Variants in TMED5 observed in about 807,000 individuals in gnomAD.
TMED5 encodes transmembrane p24 trafficking protein 5, also known as transmembrane emp24 domain-containing protein 5.
In TMED5, 27 loss-of-function variants were observed where a neutral mutation model predicts 23.0. The ratio of observed to expected loss-of-function variants is 1.17; its 90% CI spans 0.86 to 1.62. TMED5 has a LOEUF of 1.62. TMED5 is among the 40% of genes most tolerant of loss of function. The pLI is 0.00. For synonymous variants in TMED5, 97 were observed against 100.8 expected (o/e 0.96, Z 0.23); for missense variants, 248 against 273.7 (o/e 0.91, Z 0.66).
At chr1:93,156,684 CT>C (rs1344862136) in intron 2 of TMED5, among the ~76,000 whole-genome samples, 1 of 151,474 alleles carries the variant, frequency 6.6e-6, no homozygotes, top group Non-Finnish European at 1.5e-5. Context: ...AATCCTGTCT[CT>C]ACAAAAAAAT....
intron 3 of TMED5, among the ~76,000 whole-genome samples, chr1:93,155,096 A>G (rs1029170607): frequency 5.9e-5 from 9 of 152,006 alleles, no homozygotes; most frequent in African/African-American, 2.2e-4. Context: ...GTATGGTAGC[A>G]CCAAGTGTGG....
rs59467244 is a variant in TMED5 at position 93,169,882 on chromosome 1, TACACAC to T, written c.190-9662_190-9657del. Among the ~76,000 whole-genome samples, 60 of 130,600 alleles carry T rather than the reference TACACAC, an allele frequency of 4.6e-4. No individual in the cohort carries two copies. In the East Asian group the frequency reaches 4.9e-3, roughly 11 times the overall value. 85.7% of individuals were successfully genotyped at this position (130,600 alleles called of 152,430 possible). Reference sequence around the variant, plus strand: ...AGGCAGCAAAGTGAGACCCTGTCTGTACACACACACACACACACACACACACACACA... The same window carrying T: ...AGGCAGCAAAGTGAGACCCTGTCTGTACACACACACACACACACACACACA... On this transcript the variant is annotated intron_variant, in intron 1 of 3. Coordinates refer to ENST00000370282, the MANE Select transcript of TMED5 (RefSeq NM_016040.5).
At position 93,154,507 on chromosome 1, in the gene TMED5, C is replaced by T; in HGVS notation, c.*163G>A. 1 of 608,740 alleles carries T rather than the reference C, an allele frequency of 1.6e-6. No homozygotes were observed. 37.7% of individuals were successfully genotyped at this position (608,740 alleles called of 1,614,324 possible). ...AAGTACAACTGGATCAGCAGGATTACTTGCACAGAAAGTGAAGACTTAATT... is the reference window on the plus strand; with the variant it reads ...AAGTACAACTGGATCAGCAGGATTATTTGCACAGAAAGTGAAGACTTAATT... On this transcript the variant is annotated 3_prime_UTR_variant, in exon 4 of 4. Coordinates refer to ENST00000370282, the MANE Select transcript of TMED5 (RefSeq NM_016040.5).
intron 1 of TMED5, among the ~76,000 whole-genome samples, chr1:93,171,833 G>A (rs144555884): frequency 1.3e-3 from 203 of 152,242 alleles, no homozygotes; most frequent in African/African-American, 4.6e-3. Context: ...AAGCTGATTC[G>A]ACAATGTAAA....
At position 93,180,053 on chromosome 1, in the gene TMED5, C is replaced by G. The variant is rs760830059; in HGVS notation, c.189+1G>C. Reference sequence around the variant, plus strand: ...GAGGCTGGTTTATCCTCCGCACTTACTTGGTACTCGATCTCCAGCGAGGCC... The same window carrying G: ...GAGGCTGGTTTATCCTCCGCACTTAGTTGGTACTCGATCTCCAGCGAGGCC... On this transcript the variant is annotated splice_donor_variant, in intron 1 of 3. Coordinates refer to ENST00000370282, the MANE Select transcript of TMED5 (RefSeq NM_016040.5). LOFTEE classifies it high-confidence loss of function. 6.2e-7 allele frequency: 1 copy of G among 1,612,324 alleles called. No homozygotes were observed.
At chr1:93,179,414 C>A (rs1649160434) in intron 1 of TMED5, among the ~76,000 whole-genome samples, 1 of 149,910 alleles carries the variant, frequency 6.7e-6, no homozygotes, top group South Asian at 2.1e-4. Flanking sequence ...GCTTACAATG[C>A]TCAATGAAAA....
At chr1:93,161,701 T>C (rs1648282570) in intron 1 of TMED5, 1 of 152,206 alleles carries the variant, frequency 6.6e-6, no homozygotes, top group Non-Finnish European at 1.5e-5. Flanking sequence ...CCTATCCTCT[T>C]TGGCACTTAT....
At chr1:93,166,711 T>C (rs775578540) in intron 1 of TMED5, among the ~76,000 whole-genome samples, 1 of 152,190 alleles carries the variant, frequency 6.6e-6, no homozygotes, top group Non-Finnish European at 1.5e-5. Context: ...CATTCTTGGG[T>C]TGGCTCTTCC....
chr1:93,156,240 T>C, intron 3 of TMED5, 60 bp downstream of exon 3: 14 of 1,451,588 alleles, frequency 9.6e-6, no homozygotes, highest in East Asian at 4.6e-5. Context: ...CAGTAACTTA[T>C]TACCATAGTA....
At chr1:93,169,891 A>ACACACACACACG (rs1191710217) in intron 1 of TMED5, among the ~76,000 whole-genome samples, 1 of 149,900 alleles carries the variant, frequency 6.7e-6, no homozygotes, top group African/African-American at 2.5e-5. Flanking sequence ...GTACACACAC[A>ACACACACACACG]CACACACACA....
chr1:93,156,725 T>C (rs1431921340), intron 2 of TMED5, among the ~76,000 whole-genome samples: 2 of 149,808 alleles, frequency 1.3e-5, no homozygotes, highest in African/African-American at 2.5e-5. Flanking sequence ...TGAGGATTGC[T>C]TGAGCCCGGA....
chr1:93,173,083 T>C (rs1343108709), intron 1 of TMED5, among the ~76,000 whole-genome samples: 6 of 152,074 alleles, frequency 3.9e-5, no homozygotes, highest in South Asian at 2.1e-4. Context: ...TAGGGAGCTG[T>C]TGATCACAGA....
At chr1:93,179,128 G>A (rs1383125633) in intron 1 of TMED5, among the ~76,000 whole-genome samples, 2 of 152,178 alleles carry the variant, frequency 1.3e-5, no homozygotes, top group African/African-American at 2.4e-5. Context: ...TTGGGAGGCC[G>A]AGGCGGGTGG....
intron 2 of TMED5, among the ~76,000 whole-genome samples, chr1:93,156,807 C>CAAAA (rs10572798): frequency 8.8e-5 from 8 of 90,448 alleles, no homozygotes; most frequent in East Asian, 3.5e-4. Flanking sequence ...GATCCTGTCT[C>CAAAA]AAAAAAAAAA....
At chr1:93,160,267 T>C in intron 1 of TMED5, 41 bp from the exon 2 acceptor site, 1 of 1,278,440 alleles carries the variant, frequency 7.8e-7, no homozygotes, top group Non-Finnish European at 1.1e-6. Context: ...TATTACAAAT[T>C]CTGGAAATAA....
At chr1:93,159,555 T>C (rs77675122) in intron 2 of TMED5, among the ~76,000 whole-genome samples, 2,311 of 152,278 alleles carry the variant, frequency 0.015, 28 homozygotes, top group Non-Finnish European at 0.024. Context: ...GAAGAATATA[T>C]GGTCTTTTGC....
intron 2 of TMED5, 131 bp from the exon 3 acceptor site, chr1:93,156,614 G>C (rs1353001631): frequency 2.9e-6 from 2 of 681,256 alleles, no homozygotes; most frequent in Non-Finnish European, 4.9e-6. Flanking sequence ...ATTTTGAGAG[G>C]GCAAGGCTGG....
chr1:93,175,179 A>ATATATATATATATATATG (rs1648866923), intron 1 of TMED5, among the ~76,000 whole-genome samples: 3 of 136,604 alleles, frequency 2.2e-5, no homozygotes, highest in African/African-American at 8.5e-5. Context: ...AGCCATTTAT[A>ATATATATATATATATATG]TATATATATA....
chr1:93,171,290 A>C (rs2101158398), intron 1 of TMED5, among the ~76,000 whole-genome samples: 1 of 152,312 alleles, frequency 6.6e-6, no homozygotes, highest in Admixed American at 6.5e-5. Context: ...AACTCCGAAC[A>C]CATCCGAACA....
Sources: gnomAD v4.1 joint callset for allele counts (sites outside exome capture counted in the v4.1 genomes callset) on GRCh38, gnomAD v4.1.1 for gene constraint, MANE v1.5 for transcripts, NCBI Gene and HGNC (gene_info 2026-07-23, HGNC 2026-07-21) for gene names.